Variants in GPR158 observed in about 807,000 individuals in gnomAD.
GPR158 encodes the protein G protein-coupled receptor 158.
A neutral mutation model predicts 78.2 loss-of-function variants in GPR158; 30 were observed. That is an observed-to-expected ratio of 0.38 (90% CI 0.29 to 0.52). GPR158 has a LOEUF of 0.52. Among genes scored for constraint, GPR158 ranks in the 20% least tolerant of loss-of-function variants. The pLI, the probability that GPR158 is intolerant of heterozygous loss-of-function variation, is 0.83. For synonymous variants in GPR158, 581 were observed against 591.1 expected (o/e 0.98, Z 0.25); for missense variants, 1,463 against 1,523.5 (o/e 0.96, Z 0.66).
chr10:25,484,137 A>G (rs995833607), intron 5 of GPR158, among the ~76,000 whole-genome samples: 2 of 152,038 alleles, frequency 1.3e-5, no homozygotes, highest in African/African-American at 4.8e-5. Context: ...GCCCTACCCC[A>G]CTGTTATCTG....
intron 1 of GPR158, among the ~76,000 whole-genome samples, chr10:25,209,526 C>T (rs1853099256): frequency 6.6e-6 from 1 of 151,990 alleles, no homozygotes; most frequent in Non-Finnish European, 1.5e-5. Flanking sequence ...ATCTGCACTA[C>T]CACCTAGCAA....
At chr10:25,326,950 G>A (rs1350645624) in intron 2 of GPR158, among the ~76,000 whole-genome samples, 1 of 152,076 alleles carries the variant, frequency 6.6e-6, no homozygotes, top group Admixed American at 6.6e-5. Flanking sequence ...TCTTATGATT[G>A]TGCTATGTCT....
At position 25,398,957 on chromosome 10, in the gene GPR158, C is replaced by G. The variant is rs533901278; in HGVS notation, c.1111+2944C>G. Among the ~76,000 whole-genome samples the G allele has an allele frequency of 7.4e-4, 113 of 152,214 alleles. 3 individuals are homozygous for G. The South Asian group carries it at 0.022, about 30-fold the overall frequency. ...TCATGGCCTGTTAGGAACCAGGCCG[C>G]ACAGCAGAAGATGAGCAGTGGGTGA... On this transcript the variant is annotated intron_variant, in intron 3 of 10. Transcript: ENST00000376351.
chr10:25,577,058 T>A (rs1837110196), intron 7 of GPR158, among the ~76,000 whole-genome samples: 1 of 152,040 alleles, frequency 6.6e-6, no homozygotes, highest in Non-Finnish European at 1.5e-5. Context: ...GACATGTGGC[T>A]GTTGTAATTA....
At chr10:25,589,500 T>C (rs1837313555) in intron 8 of GPR158, among the ~76,000 whole-genome samples, 1 of 152,242 alleles carries the variant, frequency 6.6e-6, no homozygotes, top group Non-Finnish European at 1.5e-5. Context: ...TACAGTTAAC[T>C]TATCTATATT....
intron 4 of GPR158, among the ~76,000 whole-genome samples, chr10:25,420,732 T>C (rs768392589): frequency 7.2e-5 from 11 of 152,224 alleles, no homozygotes; most frequent in Non-Finnish European, 1.6e-4. Flanking sequence ...GTCCTTTCCC[T>C]GTAGAGTTGT....
chr10:25,190,916 T>C (rs1852763470), intron 1 of GPR158, among the ~76,000 whole-genome samples: 1 of 152,096 alleles, frequency 6.6e-6, no homozygotes, highest in South Asian at 2.1e-4. Context: ...TATGGAGAAA[T>C]AAGAGACAAT....
chr10:25,303,578 G>T (rs1316591667), intron 2 of GPR158, among the ~76,000 whole-genome samples: 1 of 152,152 alleles, frequency 6.6e-6, no homozygotes, highest in African/African-American at 2.4e-5. Flanking sequence ...GGCGCAAACC[G>T]TTAATAAGTT....
chr10:25,540,469 G>A (rs1165639310), intron 5 of GPR158, among the ~76,000 whole-genome samples: 2 of 152,122 alleles, frequency 1.3e-5, no homozygotes, highest in African/African-American at 2.4e-5. Flanking sequence ...TATAAATCAC[G>A]CTGCTGTAAA....
intron 1 of GPR158, among the ~76,000 whole-genome samples, chr10:25,210,415 G>T (rs1048581848): frequency 1.3e-5 from 2 of 152,166 alleles, no homozygotes; most frequent in Admixed American, 6.5e-5. Flanking sequence ...ATAGGGAGGG[G>T]TAAACTCAAT....
chr10:25,230,528 T>A (rs1481485113), intron 2 of GPR158, among the ~76,000 whole-genome samples: 1 of 152,122 alleles, frequency 6.6e-6, no homozygotes, highest in Admixed American at 6.5e-5. Flanking sequence ...GAAACCTTAC[T>A]TTTTGAAGAA....
intron 2 of GPR158, among the ~76,000 whole-genome samples, chr10:25,252,518 G>T (rs1853819813): frequency 6.6e-6 from 1 of 150,942 alleles, no homozygotes; most frequent in Admixed American, 6.6e-5. Flanking sequence ...CTGTTTGTTA[G>T]TTTTCCTTCT....
chr10:25,428,021 C>G (rs888293415), intron 4 of GPR158, among the ~76,000 whole-genome samples: 3 of 151,828 alleles, frequency 2.0e-5, no homozygotes, highest in African/African-American at 7.3e-5. Flanking sequence ...ATACCTCTTA[C>G]TAAAAGATGA....
At chr10:25,346,171 T>C (rs1465378688) in intron 2 of GPR158, among the ~76,000 whole-genome samples, 1 of 151,918 alleles carries the variant, frequency 6.6e-6, no homozygotes, top group East Asian at 1.9e-4. Flanking sequence ...TAAAAGAGTA[T>C]CAAATAGCCA....
chr10:25,426,812 A>G (rs2130569510), intron 4 of GPR158, among the ~76,000 whole-genome samples: 1 of 152,228 alleles, frequency 6.6e-6, no homozygotes, highest in Admixed American at 6.5e-5. Context: ...CGTCAGTGAG[A>G]GATTTGCTTG....
At chr10:25,417,303 T>A (rs956088) in intron 4 of GPR158, among the ~76,000 whole-genome samples, 1 of 152,060 alleles carries the variant, frequency 6.6e-6, no homozygotes, top group African/African-American at 2.4e-5. Flanking sequence ...GTGTCATAAT[T>A]TGGTCCTGAT....
intron 3 of GPR158, among the ~76,000 whole-genome samples, chr10:25,407,880 A>G (rs1407765651): frequency 6.6e-6 from 1 of 152,168 alleles, no homozygotes; most frequent in African/African-American, 2.4e-5. Flanking sequence ...GCAATCCTTT[A>G]ATTACATAAA....
At chr10:25,251,708 T>C (rs905943279) in intron 2 of GPR158, among the ~76,000 whole-genome samples, 1 of 151,790 alleles carries the variant, frequency 6.6e-6, no homozygotes, top group African/African-American at 2.4e-5. Flanking sequence ...GGCTTCCCTT[T>C]GAGGGTAACC....
intron 5 of GPR158, among the ~76,000 whole-genome samples, chr10:25,525,412 G>T (rs1173775237): frequency 6.6e-6 from 1 of 152,110 alleles, no homozygotes; most frequent in Admixed American, 6.5e-5. Flanking sequence ...TAAACACAAT[G>T]TATTATATCT....
Sources: allele counts gnomAD v4.1 joint callset (sites outside exome capture counted in the v4.1 genomes callset), GRCh38; gene constraint gnomAD v4.1.1; transcripts MANE v1.5; gene names NCBI Gene and HGNC (gene_info 2026-07-23, HGNC 2026-07-21).